Variants in SIGLEC12 observed in about 807,000 individuals in gnomAD.
The protein encoded by SIGLEC12 is sialic acid-binding Ig-like lectin 12.
SIGLEC12 carries 43 observed loss-of-function variants against 54.1 expected under a neutral mutation model. The observed-to-expected ratio is 0.80, with a 90% CI of 0.62 to 1.03. The LOEUF (loss-of-function observed/expected upper bound fraction) is 1.03. Ranked by LOEUF, SIGLEC12 falls within the 50% of genes least tolerant of loss-of-function variation. The pLI is 0.00. For synonymous variants in SIGLEC12, 357 were observed against 307.6 expected (o/e 1.16, Z -1.68); for missense variants, 802 against 735.2 (o/e 1.09, Z -1.05).
chr19:51,493,393 T>C (rs967530459), intron 7 of SIGLEC12, among the ~76,000 whole-genome samples: 1 of 152,208 alleles, frequency 6.6e-6, no homozygotes, highest in Non-Finnish European at 1.5e-5. Flanking sequence ...TCCACTGTGT[T>C]GTCTTCATGC....
In SIGLEC12 at chr19:51,501,250, G is replaced by A. The variant is rs866678133; in HGVS notation, c.427+57C>T. On this transcript the variant is annotated intron_variant, in intron 1 of 7. Coordinates refer to ENST00000291707, the MANE Select transcript of SIGLEC12 (RefSeq NM_053003.4). Reference sequence around the variant, plus strand: ...CCAGGACATGTGTCCCGTCTCAGCCGTGCCCTAAAGCCCTCATCACATTTG... The same window carrying A: ...CCAGGACATGTGTCCCGTCTCAGCCATGCCCTAAAGCCCTCATCACATTTG... 1.1e-4 allele frequency: 167 copies of A among 1,556,590 alleles called. 2 individuals are homozygous for A. The Middle Eastern group carries it at 6.1e-3, about 57-fold the overall frequency.
At position 51,499,750 on chromosome 19, in the gene SIGLEC12, T is replaced by C. The variant is rs772396528; in HGVS notation, c.809-34A>G. 2.5e-6 allele frequency: 4 copies of C among 1,608,384 alleles called. No individual in the cohort carries two copies. The South Asian group carries it at 4.4e-5, about 18-fold the overall frequency. The stretch of plus-strand genomic sequence containing the variant: ...GAAAGGGAGACAGGCAAAATGAGGG[T>C]GTTGGGGTCTGAAGTGTGGTGCTGA... On this transcript the variant is annotated intron_variant, in intron 2 of 7. Transcript: ENST00000291707.
At position 51,491,924 on chromosome 19, in the gene SIGLEC12, A is replaced by C. The variant is rs577450751; in HGVS notation, c.1600-95T>G. ...AGGAGGCCCAGGAGTTCCTTCCTCC[A>C]TTCATCCCATGTGCACTTTGCTGAA... On this transcript the variant is annotated intron_variant, in intron 7 of 7. Transcript: ENST00000291707. The C allele has an allele frequency of 4.2e-6, 4 of 952,624 alleles. No individual in the cohort carries two copies. The South Asian group carries it at 7.1e-5, about 17-fold the overall frequency. 59.0% of individuals were successfully genotyped at this position (952,624 alleles called of 1,614,324 possible).
rs140675869 is a variant in SIGLEC12, at chr19:51,501,486, C to G, written c.248G>C (p.Arg83Pro). 5 of 1,613,898 alleles carry G rather than the reference C, an allele frequency of 3.1e-6. No homozygotes were observed. Among genetic ancestry groups the G allele is most frequent in the Non-Finnish European group, 4.2e-6 (5 of 1,179,886 alleles). The change falls in exon 1 of 8, where the codon CGA becomes CCA. Residue 83 changes from arginine to proline, a missense_variant. Transcript: ENST00000291707. The part of the protein sequence containing the change: ...NIPVATNNPA[R>P]AVQEETRDRF... ...GTCCCGAGTCTCCTCCTGCACTGCT[C>G]GAGCTGGGTTGTTTGTGGCCACTGG...
rs903938797 is a variant in SIGLEC12, at chr19:51,499,818, T to C, written c.808+102A>G. On this transcript the variant is annotated intron_variant, in intron 2 of 7. Coordinates refer to ENST00000291707, the MANE Select transcript of SIGLEC12 (RefSeq NM_053003.4). ...TCTTACTCCTCCCCTGAGCCAGATA[T>C]GCTTCACCTCCAACTCCCTCCCAGG... 19 of 1,552,378 alleles carry C rather than the reference T, an allele frequency of 1.2e-5. No homozygotes were observed. In the Admixed American group the frequency reaches 3.0e-4, roughly 24 times the overall value.
At chr19:51,497,874 T>A in intron 5 of SIGLEC12, 144 bp downstream of exon 5, 1 of 1,184,196 alleles carries the variant, frequency 8.4e-7, no homozygotes, top group South Asian at 1.6e-5. Flanking sequence ...CAAGATTAAC[T>A]CCTCCCCTCT....
intron 7 of SIGLEC12, among the ~76,000 whole-genome samples, chr19:51,493,894 A>G (rs1990165318): frequency 6.6e-6 from 1 of 152,210 alleles, no homozygotes; most frequent in Admixed American, 6.5e-5. Flanking sequence ...AAAGTTAATC[A>G]TGGTCTCTTG....
Position 51,498,154 on chromosome 19 carries a change from T to G in SIGLEC12, c.1269A>C (p.Ser423=). ...WTWGSLTLSP[S]QSSNLGVLEL... is the part of the protein sequence containing the mutation. ...CCAGCACCCCAAGGTTCGAGGACTG[T>G]GAGGGGCTCAGGGTCAGGCTCCCCC... Residue 423 remains serine (S), a synonymous_variant, in exon 5 of 8, where the codon TCA becomes TCC. Coordinates refer to ENST00000291707, the MANE Select transcript of SIGLEC12 (RefSeq NM_053003.4). The G allele has an allele frequency of 6.2e-7, 1 of 1,614,196 alleles. No homozygotes were observed. The highest frequency in any genetic ancestry group is 1.3e-5 in the African/African-American group (1 of 75,050).
chr19:51,494,972 G>A (rs1055222592), intron 7 of SIGLEC12, among the ~76,000 whole-genome samples: 1 of 152,220 alleles, frequency 6.6e-6, no homozygotes, highest in Non-Finnish European at 1.5e-5. Flanking sequence ...GGAGGATGAA[G>A]AGGATGGGAG....
Position 51,500,192 on chromosome 19 carries a change from T to G in SIGLEC12, c.536A>C (p.Asn179Thr). 1 of 1,613,936 alleles carries G rather than the reference T, an allele frequency of 6.2e-7. No homozygotes were observed. The highest frequency in any genetic ancestry group is 8.5e-7 in the Non-Finnish European group (1 of 1,179,962). ...VPCSVLYPHYNWTASSPVYGS... is the reference protein window; with the variant it reads ...VPCSVLYPHYTWTASSPVYGS... Reference sequence around the variant, plus strand: ...ATAAACAGGGCTAGAGGCAGTCCAGTTGTAATGGGGGTAAAGGACACTGCA... The same window carrying G: ...ATAAACAGGGCTAGAGGCAGTCCAGGTGTAATGGGGGTAAAGGACACTGCA... Residue 179 changes from asparagine to threonine, a missense_variant, in exon 2 of 8, where the codon AAC becomes ACC. Coordinates refer to ENST00000291707, the MANE Select transcript of SIGLEC12 (RefSeq NM_053003.4).
chr19:51,499,281 C>A, intron 3 of SIGLEC12, 64 bp from the exon 4 acceptor site: 1 of 1,597,954 alleles, frequency 6.3e-7, no homozygotes. Flanking sequence ...CCTGTCTCCC[C>A]AGGAGCCCCA....
Position 51,501,355 on chromosome 19 carries a change from T to C in SIGLEC12, c.379A>G (p.Asn127Asp), listed in dbSNP as rs770140623. 6 of 1,614,188 alleles carry C rather than the reference T, an allele frequency of 3.7e-6. No homozygotes were observed. In the South Asian group the frequency reaches 6.6e-5, roughly 18 times the overall value. The change falls in exon 1 of 8, where the codon AAT becomes GAT. Residue 127 changes from asparagine (N) to aspartate (D), a missense_variant. Coordinates refer to ENST00000291707, the MANE Select transcript of SIGLEC12 (RefSeq NM_053003.4). Reference protein sequence around the residue: ...GTYVFCVERGNMKWNYKYDQL... With the variant: ...GTYVFCVERGDMKWNYKYDQL... ...TCATATTTATAATTCCATTTCATAT[T>C]TCCTCTCTCTACACAAAAGACGTAT...
chr19:51,493,491 C>T (rs1990157723), intron 7 of SIGLEC12, among the ~76,000 whole-genome samples: 1 of 152,192 alleles, frequency 6.6e-6, no homozygotes. Context: ...TACTTCAAAC[C>T]CACACATCTT....
At chr19:51,500,504 G>T in intron 1 of SIGLEC12, 1 of 810,840 alleles carries the variant, frequency 1.2e-6, no homozygotes, top group Non-Finnish European at 2.0e-6. Context: ...AAGAGAAACT[G>T]CAAACCCACA....
rs764087412 is a variant in SIGLEC12, at chr19:51,499,663, G to A, written c.862C>T (p.Pro288Ser). Residue 288 changes from proline (P) to serine (S), a missense_variant, in exon 3 of 8, where the codon CCC becomes TCC. By Grantham distance (74) the Pro-to-Ser change is moderately conservative. Transcript: ENST00000291707. ...GGCACAGAGCAGGTCAGGTTCCTGG[G>A]GTGGCCAGACTCCAGGGTCCCCGGG... ...SIPGTLESGHPRNLTCSVPWA... is the reference protein window; with the variant it reads ...SIPGTLESGHSRNLTCSVPWA... 8.1e-6 allele frequency: 13 copies of A among 1,614,042 alleles called. No homozygotes were observed. The African/African-American group carries it at 1.5e-4, about 18-fold the overall frequency.
intron 5 of SIGLEC12, among the ~76,000 whole-genome samples, chr19:51,497,648 G>T (rs999572078): frequency 6.6e-6 from 1 of 152,124 alleles, no homozygotes; most frequent in Admixed American, 6.5e-5. Flanking sequence ...ATTTTGATTA[G>T]TTTTCACCAT....
At position 51,500,343 on chromosome 19, in the gene SIGLEC12, C is replaced by T. The variant is rs780760121; in HGVS notation, c.428-43G>A. 33 of 1,613,952 alleles carry T rather than the reference C, an allele frequency of 2.0e-5. No homozygotes were observed. In the South Asian group the frequency reaches 3.6e-4, roughly 18 times the overall value. On this transcript the variant is annotated intron_variant, in intron 1 of 7. Transcript: ENST00000291707. ...TCAGCCCAGCCCCCACTGTCCCTCT[C>T]TTCATTTGCCCATAGCAGGGGCAGC...
rs200855532 is a variant in SIGLEC12, at chr19:51,500,299, C to T, written c.429G>A (p.Ala143=). ...KYDQLSVNVT[A]SQDLLSRYRL... is the part of the protein sequence containing the mutation. ...TGTATCTTGACAGTAGGTCCTGGGA[C>T]GCTGTGGAGAAACGAGGGTCAGCCC... Residue 143 remains alanine, a splice_region_variant and synonymous_variant, in exon 2 of 8, where the codon GCG becomes GCA. Coordinates refer to ENST00000291707, the MANE Select transcript of SIGLEC12 (RefSeq NM_053003.4). The T allele has an allele frequency of 6.5e-5, 105 of 1,614,176 alleles. No homozygotes were observed. In the East Asian group the frequency reaches 1.5e-3, roughly 24 times the overall value.
chr19:51,500,333 C>G (rs779837453), intron 1 of SIGLEC12, 33 bp from the exon 2 acceptor site: 1 of 1,614,146 alleles, frequency 6.2e-7, no homozygotes, highest in Non-Finnish European at 8.5e-7. Context: ...CCAGCCCCCA[C>G]TGTCCCTCTC....
Sources: allele counts gnomAD v4.1 joint callset (sites outside exome capture counted in the v4.1 genomes callset), GRCh38; gene constraint gnomAD v4.1.1; transcripts MANE v1.5; gene names NCBI Gene and HGNC (gene_info 2026-07-23, HGNC 2026-07-21).